Variants in PRKDC observed in about 807,000 individuals in gnomAD.
PRKDC encodes the protein protein kinase, DNA-activated, catalytic subunit, also known as DNA-dependent protein kinase catalytic subunit.
A neutral mutation model predicts 486.9 loss-of-function variants in PRKDC; 82 were observed. That is an observed-to-expected ratio of 0.17 (90% CI 0.14 to 0.20). PRKDC has a LOEUF of 0.20. Ranked by LOEUF, PRKDC falls within the 10% of genes least tolerant of loss-of-function variation. The pLI is 1.00. For missense variants in PRKDC, 4,504 were observed against 5,038.2 expected, an observed-to-expected ratio of 0.89 and a Z score of 3.21; for synonymous variants, 1,895 against 1,837.0, an observed-to-expected ratio of 1.03 and a Z score of -0.81.
chr8:47,904,971 T>C lies in PRKDC; in HGVS notation c.2940A>G (p.Thr980=). The change falls in exon 26 of 86, where the codon ACA becomes ACG. Residue 980 remains threonine (T), a synonymous_variant. Coordinates refer to ENST00000314191, the MANE Select transcript of PRKDC (RefSeq NM_006904.7). ...LRLACDVDQV[T]RQLYEPLVMQ... is the part of the protein sequence containing the mutation. ...TAACTAGTGGCTCATACAGTTGCCT[T>C]GTCACCTGAAGAAACAATACCATTA... 8 of 1,609,156 alleles carry C rather than the reference T, an allele frequency of 5.0e-6. No individual in the cohort carries two copies. Among genetic ancestry groups the C allele is most frequent in the Non-Finnish European group, 6.0e-6 (7 of 1,175,974 alleles).
intron 65 of PRKDC, 124 bp downstream of exon 65, chr8:47,821,480 G>C (rs987450089): frequency 1.2e-6 from 1 of 868,862 alleles, no homozygotes; most frequent in African/African-American, 1.7e-5. Flanking sequence ...GGTGGACTCA[G>C]GTCATGCAAT....
intron 68 of PRKDC, among the ~76,000 whole-genome samples, chr8:47,815,238 A>C (rs991611292): frequency 2.6e-5 from 4 of 152,258 alleles, no homozygotes; most frequent in African/African-American, 9.6e-5. Context: ...TGTGAAAAAA[A>C]CACAAAGCAA....
chr8:47,822,222 G>A (rs2087615524), intron 64 of PRKDC, among the ~76,000 whole-genome samples: 2 of 151,922 alleles, frequency 1.3e-5, no homozygotes, highest in South Asian at 4.1e-4. Context: ...GGGCCCAGGA[G>A]GTTGAGGCTG....
intron 68 of PRKDC, among the ~76,000 whole-genome samples, chr8:47,813,189 C>T (rs912866129): frequency 6.6e-6 from 1 of 151,932 alleles, no homozygotes; most frequent in African/African-American, 2.4e-5. Context: ...ACGATCTCTG[C>T]TCACTGCAAC....
intron 40 of PRKDC, among the ~76,000 whole-genome samples, chr8:47,869,019 G>A (rs1313108295): frequency 6.6e-6 from 1 of 152,176 alleles, no homozygotes; most frequent in East Asian, 1.9e-4. Flanking sequence ...CCAGTGGTCA[G>A]AAACTACATT....
intron 16 of PRKDC, among the ~76,000 whole-genome samples, chr8:47,932,671 C>A (rs954925086): frequency 2.0e-5 from 3 of 152,158 alleles, no homozygotes; most frequent in African/African-American, 4.8e-5. Flanking sequence ...TAACTATAAA[C>A]AAGAGCAACC....
intron 38 of PRKDC, among the ~76,000 whole-genome samples, chr8:47,880,415 G>A (rs2089188613): frequency 1.3e-5 from 2 of 152,142 alleles, no homozygotes; most frequent in Admixed American, 6.5e-5. Context: ...CCCTCGCATG[G>A]CAGAAAATTC....
intron 69 of PRKDC, among the ~76,000 whole-genome samples, chr8:47,806,494 C>T (rs1041928523): frequency 9.9e-5 from 15 of 152,194 alleles, no homozygotes; most frequent in South Asian, 8.3e-4. Context: ...TTTAAAGCTA[C>T]AAAAAAGAAG....
In PRKDC at chr8:47,893,092, G is replaced by A. The variant is rs759591521; in HGVS notation, c.3847+47C>T. The A allele has an allele frequency of 2.6e-6, 4 of 1,511,982 alleles. No homozygotes were observed. In the Admixed American group the frequency reaches 7.6e-5, roughly 29 times the overall value. The allele number at this position is 1,511,982 out of a possible 1,614,324, so 93.7% of individuals were successfully genotyped here. On this transcript the variant is annotated intron_variant, in intron 31 of 85. Transcript: ENST00000314191. ...ACCTGGCAGAGCCACTGCCCAGGGT[G>A]ACTCTGGCAGCACGACACACACCAG... is the stretch of plus-strand genomic sequence containing the variant.
intron 76 of PRKDC, among the ~76,000 whole-genome samples, chr8:47,787,813 C>T (rs539960608): frequency 6.6e-6 from 1 of 152,290 alleles, no homozygotes; most frequent in Admixed American, 6.5e-5. Context: ...GGAGGCCCTG[C>T]TGCTAATGGG....
chr8:47,869,572 C>T (rs547812803), intron 40 of PRKDC, among the ~76,000 whole-genome samples: 3 of 151,952 alleles, frequency 2.0e-5, no homozygotes, highest in South Asian at 2.1e-4. Flanking sequence ...ACGCTGGCTT[C>T]GAGTGTGACC....
intron 44 of PRKDC, 62 bp downstream of exon 44, chr8:47,862,000 A>G (rs977427931): frequency 4.5e-6 from 6 of 1,325,976 alleles, no homozygotes; most frequent in African/African-American, 4.4e-5. Flanking sequence ...CGTGTTTGAC[A>G]TAATATGGTT....
rs752878379 is a variant in PRKDC at position 47,890,273 on chromosome 8, G to A, written c.4055C>T (p.Ser1352Phe). ...GCAGCCTACCTTCCATCCTTCCGGG[G>A]AGGTGTTTAGCAGAGTCGTGGTAAA... is the stretch of plus-strand genomic sequence containing the variant. Reference protein sequence around the residue: ...MEFTTTLLNTSPEGWKLLKKD... With the variant: ...MEFTTTLLNTFPEGWKLLKKD... Residue 1352 changes from serine (S) to phenylalanine (F), a missense_variant, in exon 32 of 86, where the codon TCC becomes TTC. Transcript: ENST00000314191. The A allele has an allele frequency of 2.1e-5, 34 of 1,610,820 alleles. No homozygotes were observed. In the South Asian group the frequency reaches 2.5e-4, roughly 12 times the overall value.
chr8:47,903,586 T>C (rs911214812), intron 26 of PRKDC, among the ~76,000 whole-genome samples: 1 of 152,218 alleles, frequency 6.6e-6, no homozygotes, highest in South Asian at 2.1e-4. Flanking sequence ...CAAGTGGTGA[T>C]GCAGGGAAGA....
intron 7 of PRKDC, among the ~76,000 whole-genome samples, chr8:47,947,768 C>T (rs1172282500): frequency 6.6e-6 from 1 of 152,072 alleles, no homozygotes; most frequent in African/African-American, 2.4e-5. Flanking sequence ...ATTAGCTGGA[C>T]ATGGCATTGC....
intron 15 of PRKDC, 31 bp from the exon 16 acceptor site, chr8:47,933,203 A>T (rs2090287301): frequency 7.0e-7 from 1 of 1,427,944 alleles, no homozygotes; most frequent in Non-Finnish European, 9.3e-7. Flanking sequence ...TAAACTTCAA[A>T]ATCTTGTGCA....
intron 21 of PRKDC, among the ~76,000 whole-genome samples, chr8:47,922,794 G>T (rs2090093231): frequency 6.6e-6 from 1 of 152,118 alleles, no homozygotes; most frequent in Admixed American, 6.5e-5. Flanking sequence ...TGATTGATTT[G>T]GAGGTCATGT....
At position 47,936,516 on chromosome 8, in the gene PRKDC, G is replaced by C. The variant is rs778630373; in HGVS notation, c.1115C>G (p.Pro372Arg). 1 of 1,613,392 alleles carries C rather than the reference G, an allele frequency of 6.2e-7. No homozygotes were observed. The highest frequency in any genetic ancestry group is 8.5e-7 in the Non-Finnish European group (1 of 1,179,670). Residue 372 changes from proline (P) to arginine (R), a missense_variant and splice_region_variant, in exon 12 of 86, where the codon CCG becomes CGG. Transcript: ENST00000314191. ...AIRGYGLFAG[P>R]CKVINAKDVD... ...ATCTTTTGCGTTTATAACCTTGCAC[G>C]GCTTTAGAAAAGGTAAAACAGAAGT...
At chr8:47,905,313 G>A (rs1281266516) in intron 25 of PRKDC, among the ~76,000 whole-genome samples, 1 of 152,094 alleles carries the variant, frequency 6.6e-6, no homozygotes, top group Non-Finnish European at 1.5e-5. Flanking sequence ...ACAGGTATGA[G>A]CCACCATCCC....
Sources: allele counts gnomAD v4.1 joint callset (sites outside exome capture counted in the v4.1 genomes callset), GRCh38; gene constraint gnomAD v4.1.1; transcripts MANE v1.5; gene names NCBI Gene and HGNC (gene_info 2026-07-23, HGNC 2026-07-21).